SLC9A9: variants seen among roughly 807,000 people sequenced by gnomAD.
The protein encoded by SLC9A9 is solute carrier family 9 member A9, also known as sodium/hydrogen exchanger 9.
In SLC9A9, 62 loss-of-function variants were observed where a neutral mutation model predicts 77.8. The ratio of observed to expected loss-of-function variants is 0.80; its 90% CI spans 0.65 to 0.98. The LOEUF is 0.98. Among genes scored for constraint, SLC9A9 ranks in the 50% least tolerant of loss-of-function variants. The pLI is 0.00. For synonymous variants in SLC9A9, 320 were observed against 283.5 expected, an observed-to-expected ratio of 1.13 and a Z score of -1.29; for missense variants, 775 against 774.9, an observed-to-expected ratio of 1.00 and a Z score of 0.00.
intron 4 of SLC9A9, among the ~76,000 whole-genome samples, chr3:143,701,569 G>T (rs1457746637): frequency 6.6e-6 from 1 of 152,014 alleles, no homozygotes; most frequent in Non-Finnish European, 1.5e-5. Context: ...GCAGAAGAAA[G>T]AATTAGTGAG....
intron 6 of SLC9A9, among the ~76,000 whole-genome samples, chr3:143,599,547 C>T (rs184523362): frequency 1.9e-4 from 29 of 151,960 alleles, no homozygotes; most frequent in African/African-American, 7.0e-4. Flanking sequence ...ACAACAATTG[C>T]CTGTGTTTGA....
At chr3:143,638,408 G>A (rs1219632686) in intron 6 of SLC9A9, among the ~76,000 whole-genome samples, 1 of 152,146 alleles carries the variant, frequency 6.6e-6, no homozygotes, top group Non-Finnish European at 1.5e-5. Context: ...CAGGAAGAGG[G>A]GAGTCTAAAT....
At chr3:143,769,798 C>T (rs2007454545) in intron 4 of SLC9A9, among the ~76,000 whole-genome samples, 3 of 152,092 alleles carry the variant, frequency 2.0e-5, no homozygotes, top group South Asian at 4.2e-4. Context: ...ACCTTTTCTC[C>T]TCAGTGTGAC....
intron 13 of SLC9A9, among the ~76,000 whole-genome samples, chr3:143,377,874 C>T (rs990270313): frequency 4.6e-5 from 7 of 152,330 alleles, no homozygotes; most frequent in East Asian, 3.9e-4. Flanking sequence ...TCCGCTCCCA[C>T]CTTGCTTACT....
In SLC9A9 at chr3:143,397,361, G is replaced by T. The variant is rs188896673; in HGVS notation, c.1470-15247C>A. Among the ~76,000 whole-genome samples, 109 of 152,316 alleles carry T rather than the reference G, an allele frequency of 7.2e-4. 2 individuals are homozygous for T. The highest frequency in any genetic ancestry group is 2.0e-3 in the Admixed American group (31 of 15,298). On this transcript the variant is annotated intron_variant, in intron 12 of 15. Transcript: ENST00000316549. ...TAAAATTCTAGTGTTACTGGGTGGG[G>T]AGTCTTCTCAATGTCAGACTGAACA...
intron 1 of SLC9A9, among the ~76,000 whole-genome samples, chr3:143,836,713 C>A (rs2108893283): frequency 6.6e-6 from 1 of 152,240 alleles, no homozygotes; most frequent in East Asian, 1.9e-4. Flanking sequence ...ATTTTATTAT[C>A]CACATTGAAA....
At chr3:143,314,730 T>C (rs1448369873) in intron 14 of SLC9A9, among the ~76,000 whole-genome samples, 1 of 152,246 alleles carries the variant, frequency 6.6e-6, no homozygotes, top group Admixed American at 6.5e-5. Flanking sequence ...TGCTAGCTGC[T>C]TGTCACGAAT....
At chr3:143,468,985 C>T (rs528122285) in intron 11 of SLC9A9, among the ~76,000 whole-genome samples, 1 of 152,260 alleles carries the variant, frequency 6.6e-6, no homozygotes, top group Non-Finnish European at 1.5e-5. Context: ...CATGGTGAAA[C>T]CCCATCTCTA....
At chr3:143,299,901 A>G (rs1454596141) in intron 14 of SLC9A9, among the ~76,000 whole-genome samples, 1 of 152,206 alleles carries the variant, frequency 6.6e-6, no homozygotes, top group African/African-American at 2.4e-5. Context: ...GACCTCAGGT[A>G]GGTCACTTAA....
At chr3:143,632,661 A>T (rs1436907754) in intron 6 of SLC9A9, among the ~76,000 whole-genome samples, 1 of 152,200 alleles carries the variant, frequency 6.6e-6, no homozygotes, top group Non-Finnish European at 1.5e-5. Flanking sequence ...ATAGTATTAC[A>T]TGGTTAGTAA....
At chr3:143,702,236 G>T (rs1933823754) in intron 4 of SLC9A9, among the ~76,000 whole-genome samples, 1 of 152,070 alleles carries the variant, frequency 6.6e-6, no homozygotes, top group Non-Finnish European at 1.5e-5. Flanking sequence ...AAAACTCACT[G>T]GTAATAGTAA....
chr3:143,481,984 T>A (rs143288869), intron 11 of SLC9A9, among the ~76,000 whole-genome samples: 1 of 152,304 alleles, frequency 6.6e-6, no homozygotes, highest in Non-Finnish European at 1.5e-5. Context: ...GGGATCAAAG[T>A]GTCAAATTGG....
intron 9 of SLC9A9, among the ~76,000 whole-genome samples, chr3:143,525,971 AT>A (rs1160793188): frequency 6.6e-6 from 1 of 152,222 alleles, no homozygotes; most frequent in African/African-American, 2.4e-5. Flanking sequence ...AAATGTCAAA[AT>A]ATTAGCAGTT....
intron 14 of SLC9A9, among the ~76,000 whole-genome samples, chr3:143,293,267 A>G (rs1376467087): frequency 6.6e-6 from 1 of 152,162 alleles, no homozygotes; most frequent in African/African-American, 2.4e-5. Context: ...ACTTGTATGC[A>G]TTGGTTCAGG....
chr3:143,749,132 AAC>A (rs1295134483), intron 4 of SLC9A9, among the ~76,000 whole-genome samples: 1 of 152,200 alleles, frequency 6.6e-6, no homozygotes, highest in Non-Finnish European at 1.5e-5. Context: ...AAACATTATA[AAC>A]ACATGGTTTA....
chr3:143,289,833 T>C (rs1022268011), intron 14 of SLC9A9, among the ~76,000 whole-genome samples: 1 of 151,852 alleles, frequency 6.6e-6, no homozygotes, highest in African/African-American at 2.4e-5. Context: ...GCCAGAGAGG[T>C]TCTTCTGCAA....
intron 4 of SLC9A9, among the ~76,000 whole-genome samples, chr3:143,767,084 A>G (rs1055367861): frequency 6.6e-6 from 1 of 152,090 alleles, no homozygotes; most frequent in African/African-American, 2.4e-5. Context: ...TGCTAATATT[A>G]TGGTTATGGT....
chr3:143,425,539 T>A (rs746435189), intron 12 of SLC9A9, among the ~76,000 whole-genome samples: 6 of 152,222 alleles, frequency 3.9e-5, no homozygotes, highest in Non-Finnish European at 7.3e-5. Context: ...GTGGACTCTT[T>A]ACATTTATTC....
intron 5 of SLC9A9, among the ~76,000 whole-genome samples, chr3:143,689,566 G>A (rs903695103): frequency 6.6e-6 from 1 of 151,838 alleles, no homozygotes; most frequent in Non-Finnish European, 1.5e-5. Flanking sequence ...CACCACACTA[G>A]GCTATTTTTT....
Sources: allele counts gnomAD v4.1 joint callset (sites outside exome capture counted in the v4.1 genomes callset), GRCh38; gene constraint gnomAD v4.1.1; transcripts MANE v1.5; gene names NCBI Gene and HGNC (gene_info 2026-07-23, HGNC 2026-07-21).